KIF1B: variants seen among roughly 807,000 people sequenced by gnomAD.
KIF1B encodes the protein kinesin family member 1B, also known as kinesin-like protein KIF1B.
A neutral mutation model predicts 241.9 loss-of-function variants in KIF1B; 76 were observed. The observed-to-expected ratio is 0.31, with a 90% CI of 0.26 to 0.38. KIF1B has a LOEUF of 0.38. KIF1B is among the 10% of genes least tolerant of loss of function. The pLI is 1.00. For missense variants in KIF1B, 1,622 were observed against 2,271.4 expected, an observed-to-expected ratio of 0.71 and a Z score of 5.81; for synonymous variants, 750 against 796.7, an observed-to-expected ratio of 0.94 and a Z score of 0.99.
Position 10,277,843 on chromosome 1 carries a change from A to G in KIF1B, c.1038-143A>G, listed in dbSNP as rs927750427. On this transcript the variant is annotated intron_variant, in intron 12 of 48. Coordinates refer to ENST00000676179, the MANE Select transcript of KIF1B (RefSeq NM_001365951.3). ...TTTTTCTTCATCTTTAATAGGTACT[A>G]TAAAGCTTTATACAAATGTATTATT... 7.0e-6 allele frequency: 5 copies of G among 712,554 alleles called. No individual in the cohort carries two copies. In the South Asian group the frequency reaches 7.1e-5, roughly 10 times the overall value. 44.1% of individuals were successfully genotyped at this position (712,554 alleles called of 1,614,324 possible).
intron 35 of KIF1B, 43 bp from the exon 36 acceptor site, chr1:10,347,718 T>C (rs1251427355): frequency 5.9e-6 from 9 of 1,526,290 alleles, no homozygotes. Flanking sequence ...GCCTTGCAGA[T>C]GAAGTAGCAC....
At chr1:10,212,961 C>G (rs1646717794) in intron 1 of KIF1B, among the ~76,000 whole-genome samples, 1 of 139,108 alleles carries the variant, frequency 7.2e-6, no homozygotes, top group Non-Finnish European at 1.5e-5. Context: ...ATTTGGATAG[C>G]TTTTGCTAAG....
chr1:10,238,381 CAAAAAAAA>C (rs755794359), intron 2 of KIF1B, among the ~76,000 whole-genome samples: 11 of 87,136 alleles, frequency 1.3e-4, no homozygotes, highest in African/African-American at 1.7e-4. Flanking sequence ...AACTTTGTCT[CAAAAAAAA>C]AAAAAAAAAA....
chr1:10,298,681 A>C (rs907946227), intron 22 of KIF1B, among the ~76,000 whole-genome samples: 1 of 152,174 alleles, frequency 6.6e-6, no homozygotes, highest in Non-Finnish European at 1.5e-5. Flanking sequence ...TCTGTGAGAG[A>C]TCAAATGAGG....
Position 10,297,097 on chromosome 1 carries a change from C to T in KIF1B, c.2042+20C>T, listed in dbSNP as rs1190683777. ...GAAAAGGTAATGCACAGTTACGCAG[C>T]CCATATGACTGTTTCTTCTTTTAAA... is the stretch of plus-strand genomic sequence containing the variant. On this transcript the variant is annotated intron_variant, in intron 21 of 48. Coordinates refer to ENST00000676179, the MANE Select transcript of KIF1B (RefSeq NM_001365951.3). 4.3e-6 allele frequency: 7 copies of T among 1,613,142 alleles called. No homozygotes were observed. The highest frequency in any genetic ancestry group is 1.3e-5 in the African/African-American group (1 of 74,794).
At chr1:10,354,698 A>G (rs553739483) in intron 38 of KIF1B, among the ~76,000 whole-genome samples, 2 of 152,356 alleles carry the variant, frequency 1.3e-5, no homozygotes, top group South Asian at 4.1e-4. Context: ...ACCAGATACT[A>G]CTGACATTTG....
intron 22 of KIF1B, among the ~76,000 whole-genome samples, chr1:10,314,301 G>C (rs890951545): frequency 6.6e-6 from 1 of 151,642 alleles, no homozygotes; most frequent in African/African-American, 2.4e-5. Flanking sequence ...ATGATATACA[G>C]TGTCCTTTTT....
chr1:10,360,467 C>T (rs1182404143), intron 38 of KIF1B, among the ~76,000 whole-genome samples: 1 of 152,042 alleles, frequency 6.6e-6, no homozygotes, highest in East Asian at 1.9e-4. Context: ...GGCAGATCAT[C>T]TGAGGTCAGG....
chr1:10,227,356 C>A (rs111869679), intron 1 of KIF1B, among the ~76,000 whole-genome samples: 1,892 of 152,216 alleles, frequency 0.012, 21 homozygotes, highest in Non-Finnish European at 0.017. Context: ...TTATAAAACC[C>A]TGTCTCCCCA....
In KIF1B at chr1:10,335,236, G is replaced by A. The variant is rs1329703593; in HGVS notation, c.3043+598G>A. On this transcript the variant is annotated intron_variant, in intron 28 of 48. Coordinates refer to ENST00000676179, the MANE Select transcript of KIF1B (RefSeq NM_001365951.3). The stretch of plus-strand genomic sequence containing the variant: ...GTTAGGATTACGGGTGTGGGCCATT[G>A]CACCCGGCCAGTCATTGGCCTTTTA... 2.6e-5 allele frequency among the ~76,000 whole-genome samples: 4 copies of A among 152,076 alleles called. No homozygotes were observed. The South Asian group carries it at 8.3e-4, about 32-fold the overall frequency.
At chr1:10,273,146 G>T (rs1648893294) in intron 10 of KIF1B, 115 bp downstream of exon 10, 1 of 733,572 alleles carries the variant, frequency 1.4e-6, no homozygotes. Context: ...TTCATCATTT[G>T]TTCTCTGGCT....
chr1:10,304,740 T>C, intron 22 of KIF1B: 1 of 1,557,498 alleles, frequency 6.4e-7, no homozygotes, highest in Non-Finnish European at 8.7e-7. Context: ...CTTGAGTTCT[T>C]ATTATTTACA....
chr1:10,332,601 C>T (rs551350005), intron 27 of KIF1B, among the ~76,000 whole-genome samples: 12 of 146,580 alleles, frequency 8.2e-5, no homozygotes, highest in Admixed American at 1.4e-4. Context: ...CTGCAAGCTC[C>T]GCCTCCCGGG....
At chr1:10,261,783 T>C in intron 4 of KIF1B, 122 bp from the exon 5 acceptor site, 1 of 731,810 alleles carries the variant, frequency 1.4e-6, no homozygotes, top group Non-Finnish European at 2.5e-6. Flanking sequence ...TTGATGTTTA[T>C]GACATAATAT....
intron 1 of KIF1B, among the ~76,000 whole-genome samples, chr1:10,221,094 C>CTTTTTT (rs34039054): frequency 1.5e-4 from 14 of 94,238 alleles, no homozygotes; most frequent in African/African-American, 2.6e-4. Context: ...CAGAAAGAAG[C>CTTTTTT]TTTTTTTTTT....
chr1:10,238,381 C>CAAAA (rs755794359), intron 2 of KIF1B, among the ~76,000 whole-genome samples: 2,335 of 86,968 alleles, frequency 0.027, 114 homozygotes, highest in African/African-American at 0.081. Context: ...AACTTTGTCT[C>CAAAA]AAAAAAAAAA....
In KIF1B at chr1:10,377,891, G is replaced by A. The variant is rs752314746; in HGVS notation, c.*1304G>A. The A allele has an allele frequency of 8.3e-5, 16 of 192,830 alleles. No homozygotes were observed. The South Asian group carries it at 2.0e-3, about 24-fold the overall frequency. The allele number at this position is 192,830 out of a possible 1,614,324, so 11.9% of individuals were successfully genotyped here. On this transcript the variant is annotated 3_prime_UTR_variant, in exon 49 of 49. Coordinates refer to ENST00000676179, the MANE Select transcript of KIF1B (RefSeq NM_001365951.3). Reference sequence around the variant, plus strand: ...GCAGAGGTTGCAGTGAGCCAAGATCGCGCTATTGCACTCCAGCCTGGGTGA... The same window carrying A: ...GCAGAGGTTGCAGTGAGCCAAGATCACGCTATTGCACTCCAGCCTGGGTGA...
intron 2 of KIF1B, among the ~76,000 whole-genome samples, chr1:10,242,671 C>A (rs753700039): frequency 1.3e-5 from 2 of 152,078 alleles, no homozygotes; most frequent in African/African-American, 4.8e-5. Context: ...TGCCCACCAC[C>A]ATGCCCAGCT....
intron 4 of KIF1B, among the ~76,000 whole-genome samples, chr1:10,260,012 T>A (rs1648037792): frequency 1.3e-5 from 2 of 152,140 alleles, no homozygotes; most frequent in Admixed American, 1.3e-4. Flanking sequence ...CCTTTTATAG[T>A]CATGCATCAC....
Sources: gnomAD v4.1 joint callset for allele counts (sites outside exome capture counted in the v4.1 genomes callset) on GRCh38, gnomAD v4.1.1 for gene constraint, MANE v1.5 for transcripts, NCBI Gene and HGNC (gene_info 2026-07-23, HGNC 2026-07-21) for gene names.